Variants in MBD4 observed in about 807,000 individuals in gnomAD.
MBD4 encodes the protein methyl-CpG-binding domain protein 4.
A neutral mutation model predicts 60.2 loss-of-function variants in MBD4; 53 were observed. The observed-to-expected ratio is 0.88, with a 90% CI of 0.71 to 1.11. MBD4 has a LOEUF of 1.11. Ranked by LOEUF, MBD4 falls within the 50% of genes least tolerant of loss-of-function variation. The pLI is 0.00. For synonymous variants in MBD4, 231 were observed against 229.8 expected (o/e 1.01, Z -0.05); for missense variants, 619 against 674.0 (o/e 0.92, Z 0.90).
intron 2 of MBD4, among the ~76,000 whole-genome samples, 193 bp from the exon 3 acceptor site, chr3:129,437,501 T>C (rs1260533498): frequency 6.6e-6 from 1 of 152,166 alleles, no homozygotes; most frequent in East Asian, 1.9e-4. Context: ...TAAATATAAC[T>C]AAAATGCAAC....
Position 129,436,899 on chromosome 3 carries a change from C to G in MBD4, c.745G>C (p.Gly249Arg). The G allele has an allele frequency of 6.2e-7, 1 of 1,614,136 alleles. No individual in the cohort carries two copies. The change falls in exon 3 of 8, where the codon GGA (glycine) becomes CGA (arginine). Residue 249 changes from glycine (G) to arginine (R), a missense_variant. Physicochemically the swap from Gly to Arg is moderately radical, Grantham distance 125. Coordinates refer to ENST00000429544, the MANE Select transcript of MBD4 (RefSeq NM_001276270.2). Reference protein sequence around the residue: ...KGIPIKKTKKGCRKSCSGFVQ... With the variant: ...KGIPIKKTKKRCRKSCSGFVQ... The stretch of plus-strand genomic sequence containing the variant: ...AAACCTGAACAGCTCTTCCTACATC[C>G]TTTTTTAGTTTTCTTAATTGGGATT...
In MBD4 at chr3:129,433,943, G is replaced by A. The variant is rs2107751200; in HGVS notation, c.1300C>T (p.Pro434Ser). Residue 434 changes from proline (P) to serine (S), a missense_variant, in exon 5 of 8, where the codon CCT becomes TCT. Coordinates refer to ENST00000429544, the MANE Select transcript of MBD4 (RefSeq NM_001276270.2). ...PRRKAFKKWTPPRSPFNLVQE... is the reference protein window; with the variant it reads ...PRRKAFKKWTSPRSPFNLVQE... ...ACGAGATTAAAAGGTGACCGAGGAG[G>A]TGTCCATTTCTTAAAGGCTTTACGT... The A allele has an allele frequency of 6.8e-6, 11 of 1,614,200 alleles. No homozygotes were observed. The highest frequency in any genetic ancestry group is 1.7e-5 in the Admixed American group (1 of 60,030).
intron 7 of MBD4, among the ~76,000 whole-genome samples, chr3:129,431,796 C>T (rs771064534): frequency 2.0e-5 from 3 of 152,206 alleles, no homozygotes; most frequent in African/African-American, 7.2e-5. Context: ...GTCCAAATTA[C>T]TACTCAACCA....
intron 3 of MBD4, among the ~76,000 whole-genome samples, chr3:129,434,362 C>T (rs2072417743): frequency 6.6e-6 from 1 of 152,156 alleles, no homozygotes; most frequent in Non-Finnish European, 1.5e-5. Context: ...AAGTAACTTG[C>T]TCAAGATCAC....
chr3:129,437,624 TA>T, intron 2 of MBD4, 95 bp downstream of exon 2: 1 of 883,226 alleles, frequency 1.1e-6, no homozygotes, highest in Non-Finnish European at 1.9e-6. Context: ...GGTTTTATGG[TA>T]AAAATATAAA....
At chr3:129,434,040 G>T in intron 4 of MBD4, 22 bp downstream of exon 4, 1 of 1,613,958 alleles carries the variant, frequency 6.2e-7, no homozygotes, top group South Asian at 1.1e-5. Context: ...AGAATTTGCT[G>T]TTCTGATTGG....
Position 129,433,098 on chromosome 3 carries a change from C to T in MBD4, c.1543G>A (p.Asp515Asn), listed in dbSNP as rs1200179651. The stretch of plus-strand genomic sequence containing the variant: ...TTCCTTTGGGTGTATAGGAAAATAC[C>T]TGAGAACTTGACAATGGTTTTTGCC... ...LRAKTIVKFS[D>N]EYLTKQWKYP... The change falls in exon 6 of 8, where the codon GAT becomes AAT. Residue 515 changes from aspartate (D) to asparagine (N), a missense_variant and splice_region_variant. Coordinates refer to ENST00000429544, the MANE Select transcript of MBD4 (RefSeq NM_001276270.2). The T allele has an allele frequency of 1.2e-6, 2 of 1,614,138 alleles. No homozygotes were observed. The highest frequency in any genetic ancestry group is 1.7e-5 in the Admixed American group (1 of 60,014).
chr3:129,433,247 C>CT lies in MBD4; in HGVS notation c.1394-1_1394insA (p.Gly465GlufsTer19), dbSNP rs1559798261. On this transcript the variant is annotated frameshift_variant and splice_region_variant. Transcript: ENST00000429544. LOFTEE classifies it high-confidence loss of function. ...CCAAAGCACAGGTATTGCCATTTTGCCTGGGAAGTAAAAGTAACTGAATGA... is the reference window on the plus strand; with the variant it reads ...CCAAAGCACAGGTATTGCCATTTTGCTCTGGGAAGTAAAAGTAACTGAATGA... 1.2e-6 allele frequency: 2 copies of CT among 1,614,068 alleles called. No homozygotes were observed. Among genetic ancestry groups the CT allele is most frequent in the Non-Finnish European group, 8.5e-7 (1 of 1,179,986 alleles).
intron 7 of MBD4, chr3:129,432,246 C>T: frequency 6.9e-7 from 1 of 1,440,162 alleles, no homozygotes; most frequent in Non-Finnish European, 9.1e-7. Context: ...TAGGGAATGA[C>T]AGGAACAGGG....
At chr3:129,438,112 C>T (rs2072508865) in intron 1 of MBD4, among the ~76,000 whole-genome samples, 162 bp from the exon 2 acceptor site, 1 of 152,204 alleles carries the variant, frequency 6.6e-6, no homozygotes, top group African/African-American at 2.4e-5. Flanking sequence ...GAGTATTTTC[C>T]TGTCTTCCAA....
chr3:129,438,420 A>C (rs2072541645), intron 1 of MBD4, among the ~76,000 whole-genome samples: 1 of 152,220 alleles, frequency 6.6e-6, no homozygotes, highest in South Asian at 2.1e-4. Context: ...GTAATCCTCC[A>C]GAAGGTAAAT....
Position 129,437,206 on chromosome 3 carries a change from A to C in MBD4, c.438T>G (p.Leu146=), listed in dbSNP as rs1040716357. The C allele has an allele frequency of 2.5e-6, 4 of 1,613,452 alleles. No homozygotes were observed. In the African/African-American group the frequency reaches 4.0e-5, roughly 16 times the overall value. ...LKPEDFDFTV[L]SKRGIKSRYK... ...ATCTTGACTTGATACCCCTTTTAGA[A>C]AGTACAGTAAAATCAAAATCTTCTG... The change falls in exon 3 of 8, where the codon CTT becomes CTG. Residue 146 remains leucine, a synonymous_variant. Coordinates refer to ENST00000429544, the MANE Select transcript of MBD4 (RefSeq NM_001276270.2).
At chr3:129,432,363 C>A in intron 7 of MBD4, 140 bp downstream of exon 7, 1 of 1,550,958 alleles carries the variant, frequency 6.4e-7, no homozygotes, top group South Asian at 1.2e-5. Context: ...CCACATGCCA[C>A]CCGCTTCCCC....
Position 129,437,243 on chromosome 3 carries a change from G to T in MBD4, c.401C>A (p.Thr134Asn), listed in dbSNP as rs1559801485. Residue 134 changes from threonine (T) to asparagine (N), a missense_variant, in exon 3 of 8, where the codon ACT becomes AAT. Coordinates refer to ENST00000429544, the MANE Select transcript of MBD4 (RefSeq NM_001276270.2). The stretch of plus-strand genomic sequence containing the variant: ...ATCAAAATCTTCTGGCTTAAGAGAA[G>T]TCTCTCCATTTTTGTGAAGATAATT... ...LANYLHKNGE[T>N]SLKPEDFDFT... 2 of 1,612,222 alleles carry T rather than the reference G, an allele frequency of 1.2e-6. No individual in the cohort carries two copies. The highest frequency in any genetic ancestry group is 1.3e-5 in the African/African-American group (1 of 75,008).
rs778376887 is a variant in MBD4, at chr3:129,436,750, C to T, written c.894G>A (p.Glu298=). 2.5e-6 allele frequency: 4 copies of T among 1,613,880 alleles called. No individual in the cohort carries two copies. Among genetic ancestry groups the T allele is most frequent in the East Asian group, 2.2e-5 (1 of 44,892 alleles). Residue 298 remains glutamate, a synonymous_variant, in exon 3 of 8, where the codon GAG becomes GAA. Transcript: ENST00000429544. ...TTTCTTCACTGGTCACACTGAGGGT[C>T]TCACCACATGCTCCAGCATCAGAAA... ...VCISDAGACG[E]TLSVTSEENS...
At position 129,436,799 on chromosome 3, in the gene MBD4, C is replaced by G. The variant is rs1409695922; in HGVS notation, c.845G>C (p.Ser282Thr). 1.9e-6 allele frequency: 3 copies of G among 1,614,030 alleles called. No homozygotes were observed. The highest frequency in any genetic ancestry group is 2.7e-5 in the African/African-American group (2 of 74,924). Residue 282 changes from serine (S) to threonine (T), a missense_variant, in exon 3 of 8, where the codon AGT (serine) becomes ACT (threonine). By Grantham distance (58) the Ser-to-Thr change is moderately conservative. Coordinates refer to ENST00000429544, the MANE Select transcript of MBD4 (RefSeq NM_001276270.2). ...DAESEPVAQK[S>T]QLDRTVCISD... The stretch of plus-strand genomic sequence containing the variant: ...AATGCAGACAGTTCTATCAAGCTGA[C>G]TTTTTTGTGCAACAGGTTCACTTTC...
rs558620350 is a variant in MBD4 at position 129,436,580 on chromosome 3, G to C, written c.1064C>G (p.Ser355Cys). 1 of 1,614,126 alleles carries C rather than the reference G, an allele frequency of 6.2e-7. No individual in the cohort carries two copies. Among genetic ancestry groups the C allele is most frequent in the African/African-American group, 1.3e-5 (1 of 75,056 alleles). ...TTCTACTTTTGTTCCGATTTCTTCA[G>C]ATTCTAAAAAGGTATCCTCATACTT... Reference protein sequence around the residue: ...NEKYEDTFLESEEIGTKVEVV... With the variant: ...NEKYEDTFLECEEIGTKVEVV... The change falls in exon 3 of 8, where the codon TCT becomes TGT. Residue 355 changes from serine (S) to cysteine (C), a missense_variant. Ser to Cys is a moderately radical substitution (Grantham distance 112). Coordinates refer to ENST00000429544, the MANE Select transcript of MBD4 (RefSeq NM_001276270.2).
intron 3 of MBD4, 106 bp downstream of exon 3, chr3:129,436,355 C>T (rs994694297): frequency 7.1e-7 from 1 of 1,417,062 alleles, no homozygotes; most frequent in Non-Finnish European, 9.8e-7. Context: ...ATTTTCACAT[C>T]TTAACCATGT....
Position 129,433,972 on chromosome 3 carries a change from G to T in MBD4, c.1271C>A (p.Pro424Gln), listed in dbSNP as rs772947874. 5 of 1,614,038 alleles carry T rather than the reference G, an allele frequency of 3.1e-6. No homozygotes were observed. The highest frequency in any genetic ancestry group is 1.7e-5 in the Admixed American group (1 of 60,006). The change falls in exon 5 of 8, where the codon CCA (proline) becomes CAA (glutamine). Residue 424 changes from proline (P) to glutamine (Q), a missense_variant. Pro to Gln is a moderately conservative substitution (Grantham distance 76). Coordinates refer to ENST00000429544, the MANE Select transcript of MBD4 (RefSeq NM_001276270.2). ...SKYNKEALSPPRRKAFKKWTP... is the reference protein window; with the variant it reads ...SKYNKEALSPQRRKAFKKWTP... ...CCATTTCTTAAAGGCTTTACGTCGT[G>T]GGGGGCTAAGAGCTAAACAAACATA...
Sources: gnomAD v4.1 joint callset for allele counts (sites outside exome capture counted in the v4.1 genomes callset) on GRCh38, gnomAD v4.1.1 for gene constraint, MANE v1.5 for transcripts, NCBI Gene and HGNC (gene_info 2026-07-23, HGNC 2026-07-21) for gene names.